ZNF514: variants seen among roughly 807,000 people sequenced by gnomAD.
ZNF514 encodes zinc finger protein 514.
ZNF514 carries 12 observed loss-of-function variants against 9.7 expected under a neutral mutation model. That is an observed-to-expected ratio of 1.24 (90% CI 0.79 to 2.01). ZNF514 has a LOEUF of 2.01. Ranked by LOEUF, ZNF514 falls within the 30% of genes most tolerant of loss-of-function variation. The pLI, the probability that ZNF514 is intolerant of heterozygous loss-of-function variation, is 0.00. For synonymous variants in ZNF514, 158 were observed against 163.7 expected (o/e 0.97, Z 0.27); for missense variants, 467 against 465.5 (o/e 1.00, Z -0.03).
At chr2:95,130,332 C>T in the ZNF514 span, among the ~76,000 whole-genome samples, 7 of 152,174 alleles carry the variant, frequency 4.6e-5, no homozygotes, top group African/African-American at 1.4e-4. Context: ...ACCACAGGAC[C>T]GAGGTGAAAT....
chr2:95,149,481 T>C lies in ZNF514; in HGVS notation c.1004A>G (p.Tyr335Cys), dbSNP rs1673460336. ...AGGTTTCTCTCCAGTATGAAATCTG[T>C]AATGCACAATGAGTGATGAGCTCTG... ...FSQSSSLIVH[Y>C]RFHTGEKPYK... The change falls in exon 5 of 5, where the codon TAC (tyrosine) becomes TGC (cysteine). Residue 335 changes from tyrosine (Y) to cysteine (C), a missense_variant. Coordinates refer to ENST00000295208, the MANE Select transcript of ZNF514 (RefSeq NM_032788.3). 3.1e-6 allele frequency: 5 copies of C among 1,613,950 alleles called. No homozygotes were observed. Among genetic ancestry groups the C allele is most frequent in the Non-Finnish European group, 3.4e-6 (4 of 1,179,998 alleles).
the ZNF514 span, among the ~76,000 whole-genome samples, chr2:95,123,994 T>C: frequency 6.6e-5 from 10 of 152,230 alleles, no homozygotes; most frequent in East Asian, 7.7e-4. Context: ...TACATAACTA[T>C]AGTACAACAT....
downstream of ZNF514, among the ~76,000 whole-genome samples, chr2:95,144,086 C>A (rs961123974): frequency 3.3e-5 from 5 of 152,144 alleles, no homozygotes; most frequent in African/African-American, 1.2e-4. Flanking sequence ...GTCAGGGCAG[C>A]GGTCCCAACT....
chr2:95,131,212 A>AGGTG, the ZNF514 span, among the ~76,000 whole-genome samples: 2 of 152,174 alleles, frequency 1.3e-5, no homozygotes, highest in Admixed American at 1.3e-4. Flanking sequence ...CATCTGGTGA[A>AGGTG]ATCAGGAGGG....
At chr2:95,141,238 C>T (rs1414512181), downstream of ZNF514, among the ~76,000 whole-genome samples, 1 of 152,134 alleles carries the variant, frequency 6.6e-6, no homozygotes, top group Admixed American at 6.5e-5. Context: ...AACCACATAA[C>T]AAAACTCCAT....
rs1174426083 is a variant in ZNF514, at chr2:95,148,075, T to C, written c.*1207A>G. ...CATTGCCTCACAAAGAAAGGTAACA[T>C]GTGCTACAGAGAAAGAAGTGCATAG... On this transcript the variant is annotated 3_prime_UTR_variant, in exon 5 of 5. Transcript: ENST00000295208. 6.6e-6 allele frequency: 1 copy of C among 152,094 alleles called. No homozygotes were observed. The highest frequency in any genetic ancestry group is 1.5e-5 in the Non-Finnish European group (1 of 67,924). 9.4% of individuals were successfully genotyped at this position (152,094 alleles called of 1,614,324 possible).
chr2:95,152,736 T>C lies in ZNF514; in HGVS notation c.155A>G (p.Gln52Arg), dbSNP rs764626272. ...GAAGGGCTCACCCCCTTCCTCCAACTGGCAGATCACATATGGTTTGGATAC... is the reference window on the plus strand; with the variant it reads ...GAAGGGCTCACCCCCTTCCTCCAACCGGCAGATCACATATGGTTTGGATAC... ...LLVSKPYVIC[Q>R]LEEGGEPFMV... The change falls in exon 4 of 5, where the codon CAG becomes CGG. Residue 52 changes from glutamine (Q) to arginine (R), a missense_variant. By Grantham distance (43) the Gln-to-Arg change is conservative. Transcript: ENST00000295208. 1 of 1,614,154 alleles carries C rather than the reference T, an allele frequency of 6.2e-7. No homozygotes were observed.
At chr2:95,157,877 C>T (rs1673729785) in intron 1 of ZNF514, among the ~76,000 whole-genome samples, 2 of 152,196 alleles carry the variant, frequency 1.3e-5, no homozygotes, top group Admixed American at 6.5e-5. Context: ...GGAAGTTACA[C>T]CTCTCCCCTC....
chr2:95,127,490 C>G, the ZNF514 span, among the ~76,000 whole-genome samples: 3 of 152,236 alleles, frequency 2.0e-5, no homozygotes, highest in African/African-American at 7.2e-5. Context: ...TACCCAACTT[C>G]TGTTCAGTGA....
downstream of ZNF514, among the ~76,000 whole-genome samples, chr2:95,144,882 T>C (rs1673322095): frequency 6.6e-6 from 1 of 152,052 alleles, no homozygotes; most frequent in Non-Finnish European, 1.5e-5. Flanking sequence ...ATCACAGTCC[T>C]ACAAAATACA....
chr2:95,141,088 A>G (rs1285210145), downstream of ZNF514, among the ~76,000 whole-genome samples: 1 of 152,134 alleles, frequency 6.6e-6, no homozygotes, highest in Non-Finnish European at 1.5e-5. Flanking sequence ...GGTACAGTAT[A>G]TACTGCTTGG....
the ZNF514 span, among the ~76,000 whole-genome samples, chr2:95,126,932 C>T: frequency 3.4e-5 from 5 of 148,512 alleles, no homozygotes; most frequent in East Asian, 8.0e-4. Flanking sequence ...GGTTCTGGGA[C>T]CTATTGCGCC....
In ZNF514 at chr2:95,152,697, T is replaced by C; in HGVS notation, c.194A>G (p.Glu65Gly). The change falls in exon 4 of 5, where the codon GAA becomes GGA. Residue 65 changes from glutamate to glycine, a missense_variant. By Grantham distance (98) the Glu-to-Gly change is moderately conservative (BLOSUM62 -2). Coordinates refer to ENST00000295208, the MANE Select transcript of ZNF514 (RefSeq NM_032788.3). ...ACCTGAGTGGGCTCCTGTTGAGATT[T>C]CTCTCTCCACCATGAAGGGCTCACC... ...EGGEPFMVEREISTGAHSDWK... is the reference protein window; with the variant it reads ...EGGEPFMVERGISTGAHSDWK... The C allele has an allele frequency of 6.2e-7, 1 of 1,614,196 alleles. No homozygotes were observed. The highest frequency in any genetic ancestry group is 8.5e-7 in the Non-Finnish European group (1 of 1,180,032).
chr2:95,158,140 C>T (rs1432362316), intron 1 of ZNF514, among the ~76,000 whole-genome samples: 1 of 152,194 alleles, frequency 6.6e-6, no homozygotes, highest in African/African-American at 2.4e-5. Context: ...GTGTGGATCC[C>T]TGAGGATCTT....
the ZNF514 span, among the ~76,000 whole-genome samples, chr2:95,125,709 A>G: frequency 1.3e-5 from 2 of 152,236 alleles, no homozygotes; most frequent in Non-Finnish European, 1.5e-5. Context: ...GCAGTTATAT[A>G]GTATTGTCCT....
At chr2:95,150,318 C>T (rs759480021) in intron 4 of ZNF514, 51 bp from the exon 5 acceptor site, 2 of 1,482,016 alleles carry the variant, frequency 1.3e-6, no homozygotes, top group Non-Finnish European at 8.9e-7. Context: ...GTAGAATGTC[C>T]TATGTAGCAA....
At chr2:95,142,273 A>C (rs530972553), downstream of ZNF514, among the ~76,000 whole-genome samples, 65 of 152,252 alleles carry the variant, frequency 4.3e-4, no homozygotes, top group Admixed American at 1.6e-3. Flanking sequence ...ATAATAGACA[A>C]TGGCTTTTTC....
Position 95,145,991 on chromosome 2 carries a change from A to G in ZNF514, c.*3291T>C, listed in dbSNP as rs562803892. On this transcript the variant is annotated 3_prime_UTR_variant, in exon 5 of 5. Coordinates refer to ENST00000295208, the MANE Select transcript of ZNF514 (RefSeq NM_032788.3). ...TCTCAGGATCTCCTGGGGCTGTGTCAGACTTGTTTCTTATCAGACTTAAAT... is the reference window on the plus strand; with the variant it reads ...TCTCAGGATCTCCTGGGGCTGTGTCGGACTTGTTTCTTATCAGACTTAAAT... 5.9e-5 allele frequency among the ~76,000 whole-genome samples: 9 copies of G among 152,026 alleles called. No individual in the cohort carries two copies. In the South Asian group the frequency reaches 1.9e-3, roughly 31 times the overall value.
downstream of ZNF514, among the ~76,000 whole-genome samples, chr2:95,140,853 T>C (rs1234403711): frequency 2.0e-5 from 3 of 151,674 alleles, 1 homozygote; most frequent in Non-Finnish European, 4.4e-5. Context: ...TGTGTGCCTA[T>C]AGTCCCAGCT....
Sources: allele counts gnomAD v4.1 joint callset (sites outside exome capture counted in the v4.1 genomes callset), GRCh38; gene constraint gnomAD v4.1.1; transcripts MANE v1.5; gene names NCBI Gene and HGNC (gene_info 2026-07-23, HGNC 2026-07-21).